BOD1L1: variants seen among roughly 807,000 people sequenced by gnomAD.
BOD1L1 encodes the protein biorientation of chromosomes in cell division protein 1-like 1.
A neutral mutation model predicts 240.7 loss-of-function variants in BOD1L1; 86 were observed. The ratio of observed to expected loss-of-function variants is 0.36; its 90% CI spans 0.30 to 0.43. The LOEUF (loss-of-function observed/expected upper bound fraction) is 0.43, where lower values mean the gene tolerates loss of function less well. BOD1L1 is among the 20% of genes least tolerant of loss of function. The probability of loss-of-function intolerance (pLI) is 1.00; values close to 1 mark genes in which losing one functional copy is unlikely to be tolerated. For missense variants in BOD1L1, 3,554 were observed against 3,643.5 expected, an observed-to-expected ratio of 0.98 and a Z score of 0.63; for synonymous variants, 1,268 against 1,272.3, an observed-to-expected ratio of 1.00 and a Z score of 0.07.
At chr4:13,627,278 G>C in intron 1 of BOD1L1, 67 bp downstream of exon 1, 1 of 936,052 alleles carries the variant, frequency 1.1e-6, no homozygotes, top group Non-Finnish European at 1.4e-6. Flanking sequence ...GGAAGCCACT[G>C]CAAAAGAAGC....
chr4:13,587,437 CTCCAGGGTGTGGT>C (rs1713794589), intron 16 of BOD1L1, among the ~76,000 whole-genome samples: 1 of 152,108 alleles, frequency 6.6e-6, no homozygotes, highest in Non-Finnish European at 1.5e-5. Flanking sequence ...CCTGGCTGGG[CTCCAGGGTGTGGT>C]TCCAGAGAGA....
At position 13,610,797 on chromosome 4, in the gene BOD1L1, CTAGT is replaced by C. The variant is rs569741831; in HGVS notation, c.1491+133_1491+136del. 3.6e-3 allele frequency: 2,131 copies of C among 597,696 alleles called. 17 individuals are homozygous for C. Among genetic ancestry groups the C allele is most frequent in the Non-Finnish European group, 3.3e-3 (1,177 of 359,180 alleles). The allele number at this position is 597,696 out of a possible 1,614,324, so 37.0% of individuals were successfully genotyped here. A position where few individuals can be genotyped will look rare whatever the true frequency, so the allele number is the denominator to read the frequency against. On this transcript the variant is annotated intron_variant, in intron 6 of 25. Transcript: ENST00000040738. ...TGTCACATGTTTACATCTACTCTAC[CTAGT>C]TAAATGACAAGTTTCCTGAAGGCAA...
Position 13,605,065 on chromosome 4 carries a change from A to T in BOD1L1, c.1835T>A (p.Ile612Asn), listed in dbSNP as rs1292005880. The T allele has an allele frequency of 5.2e-6, 8 of 1,550,800 alleles. No individual in the cohort carries two copies. The highest frequency in any genetic ancestry group is 6.9e-6 in the Non-Finnish European group (8 of 1,156,484). ...KTSEHCEKEK[I>N]SSSKELKHVH... ...ATGCTTCAGCTCCTTTGAAGAAGAA[A>T]TTTTTTCCTTTTCACAATGCTGAAA... Residue 612 changes from isoleucine to asparagine, a missense_variant, in exon 10 of 26, where the codon ATT (isoleucine) becomes AAT (asparagine). Around this residue, in one of 2 missense-constraint regions of BOD1L1, gnomAD observed 3,393 missense variants for 3,427.1 expected, o/e 0.99. Transcript: ENST00000040738.
rs764578133 is a variant in BOD1L1, at chr4:13,601,594, G to A, written c.5306C>T (p.Pro1769Leu). The A allele has an allele frequency of 6.2e-7, 1 of 1,613,956 alleles. No individual in the cohort carries two copies. The highest frequency in any genetic ancestry group is 2.2e-5 in the East Asian group (1 of 44,882). Residue 1769 changes from proline to leucine, a missense_variant, in exon 10 of 26, where the codon CCA becomes CTA. Pro to Leu is a moderately conservative substitution (Grantham distance 98). Coordinates refer to ENST00000040738, the MANE Select transcript of BOD1L1 (RefSeq NM_148894.3). The part of the protein sequence containing the change: ...GVVLGDNDAP[P>L]GTSASQEGDG... ...TCCTTCTTGGCTGGCACTTGTTCCT[G>A]GTGGTGCATCATTATCTCCCAGGAC...
intron 2 of BOD1L1, among the ~76,000 whole-genome samples, chr4:13,616,147 C>G (rs1332662144): frequency 6.6e-6 from 1 of 152,098 alleles, no homozygotes; most frequent in Non-Finnish European, 1.5e-5. Flanking sequence ...CTATGCTGGC[C>G]ACTGACAGCT....
At chr4:13,591,313 C>A (rs1012103986) in intron 13 of BOD1L1, among the ~76,000 whole-genome samples, 2 of 152,118 alleles carry the variant, frequency 1.3e-5, no homozygotes, top group East Asian at 3.9e-4. Flanking sequence ...AAACAGAGTG[C>A]TTGATGAGGA....
intron 21 of BOD1L1, among the ~76,000 whole-genome samples, 182 bp downstream of exon 21, chr4:13,580,835 TGAA>T (rs1237782479): frequency 6.6e-6 from 1 of 152,164 alleles, no homozygotes; most frequent in Non-Finnish European, 1.5e-5. Context: ...GGAATCAGAA[TGAA>T]GAACAACTAA....
At chr4:13,621,338 G>C (rs1717018270) in intron 1 of BOD1L1, among the ~76,000 whole-genome samples, 1 of 152,130 alleles carries the variant, frequency 6.6e-6, no homozygotes, top group South Asian at 2.1e-4. Context: ...TCTGCCATTT[G>C]CCTCCTTTTA....
chr4:13,609,960 T>A (rs1346836538), intron 6 of BOD1L1, among the ~76,000 whole-genome samples: 1 of 152,160 alleles, frequency 6.6e-6, no homozygotes, highest in Non-Finnish European at 1.5e-5. Context: ...TACTATCTCT[T>A]TCTGGCTCAG....
intron 2 of BOD1L1, among the ~76,000 whole-genome samples, chr4:13,618,468 G>T (rs908075505): frequency 6.6e-6 from 1 of 152,190 alleles, no homozygotes; most frequent in Admixed American, 6.5e-5. Context: ...TACAGGCAGC[G>T]GGCCTGTCAC....
At chr4:13,579,821 C>T in intron 22 of BOD1L1, 107 bp downstream of exon 22, 1 of 821,250 alleles carries the variant, frequency 1.2e-6, no homozygotes, top group East Asian at 2.9e-5. Flanking sequence ...CCAAGGGGGC[C>T]ACCCACTTCA....
intron 1 of BOD1L1, among the ~76,000 whole-genome samples, chr4:13,622,100 A>C (rs775937351): frequency 1.4e-4 from 22 of 151,984 alleles, no homozygotes; most frequent in Non-Finnish European, 2.6e-4. Context: ...CCTAACCTCA[A>C]GTGATCCACC....
At chr4:13,576,463 G>A (rs1227602677) in intron 25 of BOD1L1, among the ~76,000 whole-genome samples, 2 of 152,140 alleles carry the variant, frequency 1.3e-5, no homozygotes, top group Non-Finnish European at 2.9e-5. Context: ...GGTTCCTCCT[G>A]CTTTCTGGGT....
intron 6 of BOD1L1, 103 bp from the exon 7 acceptor site, chr4:13,609,509 C>CA (rs1715991673): frequency 2.9e-6 from 2 of 688,690 alleles, no homozygotes; most frequent in Admixed American, 7.8e-5. Flanking sequence ...GATGTTCTTA[C>CA]AAATTAACGG....
Position 13,600,127 on chromosome 4 carries a change from G to A in BOD1L1, c.6773C>T (p.Thr2258Met), listed in dbSNP as rs746873993. 6 of 1,613,800 alleles carry A rather than the reference G, an allele frequency of 3.7e-6. No individual in the cohort carries two copies. The highest frequency in any genetic ancestry group is 2.2e-5 in the East Asian group (1 of 44,880). Residue 2258 changes from threonine to methionine, a missense_variant, in exon 10 of 26, where the codon ACG (threonine) becomes ATG (methionine). Transcript: ENST00000040738. ...GCCCTCACAGTCTTCCACCGAGCTC[G>A]TAGAGATGATGCCACTCCCGTCTTT... ...EEKDGSGIIS[T>M]SSVEDCEGPV...
rs746797648 is a variant in BOD1L1, at chr4:13,599,034, T to C, written c.7866A>G (p.Thr2622=). The stretch of plus-strand genomic sequence containing the variant: ...ATTTCCTTGTGCTGTTATCATCTCC[T>C]GTTTTCTCAGCAGATGCTTGATCAG... The part of the protein sequence containing the change: ...KWTDQASAEK[T]GDDNSTRKSF... Residue 2622 remains threonine, a synonymous_variant, in exon 10 of 26, where the codon ACA becomes ACG. Coordinates refer to ENST00000040738, the MANE Select transcript of BOD1L1 (RefSeq NM_148894.3). The C allele has an allele frequency of 2.5e-6, 4 of 1,613,932 alleles. No individual in the cohort carries two copies. Among genetic ancestry groups the C allele is most frequent in the Non-Finnish European group, 2.5e-6 (3 of 1,179,876 alleles).
intron 17 of BOD1L1, among the ~76,000 whole-genome samples, chr4:13,584,430 AAGAG>A (rs776383948): frequency 2.2e-4 from 24 of 109,938 alleles, no homozygotes; most frequent in Admixed American, 6.9e-4. Flanking sequence ...CGGGGAGAGA[AAGAG>A]AGAGAGAGTG....
rs1050721702 is a variant in BOD1L1, at chr4:13,602,242, G to A, written c.4658C>T (p.Pro1553Leu). ...SETRQSEVAL[P>L]CTSIEADEGL... ...TTCATCTGCCTCAATGCTGGTGCAA[G>A]GCAAAGCCACCTCACTTTGTCTTGT... is the stretch of plus-strand genomic sequence containing the variant. The change falls in exon 10 of 26, where the codon CCT becomes CTT. Residue 1553 changes from proline to leucine, a missense_variant. Pro to Leu is a moderately conservative substitution (Grantham distance 98). Transcript: ENST00000040738. 3 of 1,613,766 alleles carry A rather than the reference G, an allele frequency of 1.9e-6. No individual in the cohort carries two copies. Among genetic ancestry groups the A allele is most frequent in the South Asian group, 2.2e-5 (2 of 91,058 alleles).
At chr4:13,590,799 C>T (rs1714143441) in intron 13 of BOD1L1, among the ~76,000 whole-genome samples, 1 of 152,034 alleles carries the variant, frequency 6.6e-6, no homozygotes, top group African/African-American at 2.4e-5. Context: ...CTATAGGATT[C>T]TGTAATAAGA....
Sources: allele counts gnomAD v4.1 joint callset (sites outside exome capture counted in the v4.1 genomes callset), GRCh38; gene constraint gnomAD v4.1.1; regional missense constraint gnomAD v4.1.1; transcripts MANE v1.5; gene names NCBI Gene and HGNC (gene_info 2026-07-23, HGNC 2026-07-21).